The following CDK14 variants were observed in gnomAD, a reference collection of about 807,000 sequenced individuals.
The protein encoded by CDK14 is cyclin-dependent kinase 14.
CDK14 carries 34 observed loss-of-function variants against 60.7 expected under a neutral mutation model. The ratio of observed to expected loss-of-function variants is 0.56; its 90% CI spans 0.43 to 0.75. CDK14 has a LOEUF of 0.75. Ranked by LOEUF, CDK14 falls within the 30% of genes least tolerant of loss-of-function variation. The pLI is 0.00. For synonymous variants in CDK14, 197 were observed against 203.7 expected, an observed-to-expected ratio of 0.97 and a Z score of 0.28; for missense variants, 482 against 564.1, an observed-to-expected ratio of 0.85 and a Z score of 1.47.
intron 2 of CDK14, among the ~76,000 whole-genome samples, chr7:90,704,716 C>T (rs1230136609): frequency 6.6e-6 from 1 of 152,042 alleles, no homozygotes; most frequent in Non-Finnish European, 1.5e-5. Context: ...TCAACATTGC[C>T]ATGCAATGTC....
intron 2 of CDK14, among the ~76,000 whole-genome samples, chr7:90,663,313 T>G (rs555990365): frequency 1.3e-5 from 2 of 152,356 alleles, no homozygotes; most frequent in African/African-American, 2.4e-5. Flanking sequence ...CGTTAAGATT[T>G]ATTTATCTTG....
chr7:91,180,876 C>G (rs1341059927), intron 14 of CDK14, among the ~76,000 whole-genome samples: 1 of 152,190 alleles, frequency 6.6e-6, no homozygotes, highest in African/African-American at 2.4e-5. Flanking sequence ...CAAAAGTAGA[C>G]AGAATGAACT....
intron 2 of CDK14, among the ~76,000 whole-genome samples, chr7:90,638,591 A>G: frequency 6.6e-6 from 1 of 152,098 alleles, no homozygotes; most frequent in Non-Finnish European, 1.5e-5. Flanking sequence ...ACTTTTGTGA[A>G]TCTGACAATT....
intron 6 of CDK14, among the ~76,000 whole-genome samples, chr7:90,870,171 A>G (rs1327492885): frequency 6.6e-6 from 1 of 152,224 alleles, no homozygotes; most frequent in Non-Finnish European, 1.5e-5. Context: ...AGTCATAACA[A>G]AGAGATCATG....
chr7:91,102,188 C>T (rs1584060860), intron 12 of CDK14, among the ~76,000 whole-genome samples: 1 of 152,168 alleles, frequency 6.6e-6, no homozygotes, highest in African/African-American at 2.4e-5. Flanking sequence ...TGGCTTTGCT[C>T]TGTGAAGAGT....
At chr7:90,915,349 GA>G (rs1793046213) in intron 7 of CDK14, among the ~76,000 whole-genome samples, 1 of 152,208 alleles carries the variant, frequency 6.6e-6, no homozygotes, top group African/African-American at 2.4e-5. Flanking sequence ...TGAGCCAGGA[GA>G]ATGGCATGAA....
intron 5 of CDK14, among the ~76,000 whole-genome samples, chr7:90,825,253 G>A (rs530353442): frequency 7.2e-5 from 11 of 152,282 alleles, no homozygotes; most frequent in African/African-American, 1.9e-4. Flanking sequence ...CCATCTATGG[G>A]GCTGTGATGG....
rs139125320 is a variant in CDK14, at chr7:91,132,973, A to G, written c.*28+14765A>G. On this transcript the variant is annotated intron_variant, in intron 14 of 14. Transcript: ENST00000380050. ...TTAAGTTAAAGAATATGCCTTTTCTATTCACATATCTTTTGTAAAATGAAT... is the reference window on the plus strand; with the variant it reads ...TTAAGTTAAAGAATATGCCTTTTCTGTTCACATATCTTTTGTAAAATGAAT... 2.6e-5 allele frequency among the ~76,000 whole-genome samples: 4 copies of G among 152,292 alleles called. No homozygotes were observed. The East Asian group carries it at 7.7e-4, about 29-fold the overall frequency.
Position 91,091,501 on chromosome 7 carries a change from T to TTTTATATATATATATA in CDK14, c.1154+12022_1154+12023insTTATATATATATATAT, listed in dbSNP as rs1369809555. 2.3e-3 allele frequency among the ~76,000 whole-genome samples: 209 copies of TTTTATATATATATATA among 88,978 alleles called. 8 individuals carry two copies. The highest frequency in any genetic ancestry group is 8.8e-3 in the African/African-American group (202 of 23,020). 58.4% of individuals were successfully genotyped at this position (88,978 alleles called of 152,430 possible). On this transcript the variant is annotated intron_variant, in intron 12 of 14. Coordinates refer to ENST00000380050, the MANE Select transcript of CDK14 (RefSeq NM_001287135.2). ...TATATGTATATGTAGTTTATATATT[T>TTTTATATATATATATA]TATATATATATATATAAATTAGCCA...
intron 10 of CDK14, among the ~76,000 whole-genome samples, chr7:91,009,923 G>T (rs556589292): frequency 6.6e-6 from 1 of 152,160 alleles, no homozygotes; most frequent in African/African-American, 2.4e-5. Flanking sequence ...TTTATGTTTA[G>T]GTCTAGGATC....
chr7:90,937,822 T>A (rs1793802078), intron 8 of CDK14, among the ~76,000 whole-genome samples: 1 of 152,212 alleles, frequency 6.6e-6, no homozygotes, highest in Admixed American at 6.5e-5. Flanking sequence ...TTGTTCTTAC[T>A]AATAACCAAT....
chr7:90,825,488 T>C (rs1012259059), intron 5 of CDK14, among the ~76,000 whole-genome samples: 5 of 152,234 alleles, frequency 3.3e-5, no homozygotes, highest in African/African-American at 1.2e-4. Context: ...TAAATACTTT[T>C]AGAGGACTTC....
intron 2 of CDK14, among the ~76,000 whole-genome samples, chr7:90,722,374 T>C (rs1802489285): frequency 6.6e-6 from 1 of 152,000 alleles, no homozygotes; most frequent in Non-Finnish European, 1.5e-5. Context: ...CGCCTAATTT[T>C]TATATTTGTT....
chr7:90,678,450 G>T (rs1189250376), intron 2 of CDK14, among the ~76,000 whole-genome samples: 1 of 152,142 alleles, frequency 6.6e-6, no homozygotes, highest in Non-Finnish European at 1.5e-5. Flanking sequence ...GTTTGTGTTC[G>T]TCTCTTCCAC....
At chr7:90,876,095 G>C (rs1791550467) in intron 6 of CDK14, among the ~76,000 whole-genome samples, 1 of 152,152 alleles carries the variant, frequency 6.6e-6, no homozygotes, top group African/African-American at 2.4e-5. Context: ...AGCTGGTACA[G>C]AAGCAATATG....
At position 90,726,914 on chromosome 7, in the gene CDK14, T is replaced by C. The variant is rs1253354904; in HGVS notation, c.369+102T>C. 3.7e-6 allele frequency: 5 copies of C among 1,342,122 alleles called. No individual in the cohort carries two copies. The African/African-American group carries it at 5.8e-5, about 16-fold the overall frequency. The allele number at this position is 1,342,122 out of a possible 1,614,324, so 83.1% of individuals were successfully genotyped here. On this transcript the variant is annotated intron_variant, in intron 3 of 14. Coordinates refer to ENST00000380050, the MANE Select transcript of CDK14 (RefSeq NM_001287135.2). ...ACAGCAGGAAACTTTATCAGTGCCT[T>C]ATTATGCATTCTCTCCCAGGGTGGT...
At chr7:90,809,630 A>C (rs1413722988) in intron 5 of CDK14, among the ~76,000 whole-genome samples, 2 of 152,252 alleles carry the variant, frequency 1.3e-5, no homozygotes, top group African/African-American at 2.4e-5. Flanking sequence ...ATCAGAGCAG[A>C]ACTCAAGGAA....
Position 90,806,512 on chromosome 7 carries a change from C to G in CDK14, c.544+15860C>G, listed in dbSNP as rs184424721. On this transcript the variant is annotated intron_variant, in intron 5 of 14. Transcript: ENST00000380050. ...AATGGCGAAGATGGCCAAATAGGAA[C>G]AGCTCCAGTCTACAGCTCCCAGCGT... Among the ~76,000 whole-genome samples, 1,076 of 152,302 alleles carry G rather than the reference C, an allele frequency of 7.1e-3. 6 individuals are homozygous for G. The highest frequency in any genetic ancestry group is 0.012 in the Non-Finnish European group (810 of 68,026).
chr7:90,909,784 A>G (rs1792830830), intron 7 of CDK14, among the ~76,000 whole-genome samples: 1 of 151,628 alleles, frequency 6.6e-6, no homozygotes, highest in African/African-American at 2.4e-5. Context: ...TCTCTCCAGA[A>G]AGTTCTCATC....
Sources: gnomAD v4.1 joint callset for allele counts (sites outside exome capture counted in the v4.1 genomes callset) on GRCh38, gnomAD v4.1.1 for gene constraint, MANE v1.5 for transcripts, NCBI Gene and HGNC (gene_info 2026-07-23, HGNC 2026-07-21) for gene names.